Variants in ACTN2 observed in about 807,000 individuals in gnomAD.
ACTN2 encodes the protein actinin alpha 2.
A neutral mutation model predicts 113.8 loss-of-function variants in ACTN2; 39 were observed. The observed-to-expected ratio is 0.34, with a 90% CI of 0.27 to 0.45. The LOEUF (loss-of-function observed/expected upper bound fraction) is 0.45, where lower values mean the gene tolerates loss of function less well. Ranked by LOEUF, ACTN2 falls within the 20% of genes least tolerant of loss-of-function variation. ACTN2 has a pLI of 1.00. For synonymous variants in ACTN2, 429 were observed against 444.1 expected, an observed-to-expected ratio of 0.97 and a Z score of 0.43; for missense variants, 992 against 1,177.9, an observed-to-expected ratio of 0.84 and a Z score of 2.31.
chr1:236,731,858 A>G (rs892393073), intron 7 of ACTN2, among the ~76,000 whole-genome samples: 4 of 152,212 alleles, frequency 2.6e-5, no homozygotes, highest in Non-Finnish European at 4.4e-5. Flanking sequence ...GAACTTCCAT[A>G]TATTTTGCAC....
At chr1:236,715,433 A>G (rs1036760583) in intron 1 of ACTN2, among the ~76,000 whole-genome samples, 6 of 151,930 alleles carry the variant, frequency 3.9e-5, no homozygotes, top group Non-Finnish European at 4.4e-5. Context: ...CTTACCTTCA[A>G]AAAACAAAAC....
chr1:236,755,201 A>G lies in ACTN2; in HGVS notation c.2154+3A>G, dbSNP rs1659519094. ...AGCACACGAACTACACGATGGAGGT[A>G]CGGCAGCCAGACAGGCGTGTGCCGC... On this transcript the variant is annotated splice_donor_region_variant and intron_variant, in intron 17 of 20. Transcript: ENST00000366578. The G allele has an allele frequency of 6.2e-7, 1 of 1,614,020 alleles. No homozygotes were observed. The highest frequency in any genetic ancestry group is 8.5e-7 in the Non-Finnish European group (1 of 1,180,050).
intron 1 of ACTN2, among the ~76,000 whole-genome samples, chr1:236,713,145 G>A (rs924795447): frequency 6.6e-6 from 1 of 151,566 alleles, no homozygotes; most frequent in South Asian, 2.1e-4. Flanking sequence ...ATACACTACA[G>A]TGGAATACTA....
intron 1 of ACTN2, among the ~76,000 whole-genome samples, chr1:236,693,049 A>G (rs911327118): frequency 6.6e-6 from 1 of 152,070 alleles, no homozygotes; most frequent in Non-Finnish European, 1.5e-5. Context: ...CAGAAAGCAG[A>G]GATTGGGGGA....
At position 236,720,086 on chromosome 1, in the gene ACTN2, GTTGTTTTC is replaced by G. The variant is rs1558232978; in HGVS notation, c.362-16_362-9del. ...GACTATGTTATCTTTACATTAATTTGTTGTTTTCTTACCTGCAGAAATTGTTGATGGCA... is the reference window on the plus strand; with the variant it reads ...GACTATGTTATCTTTACATTAATTTGTTACCTGCAGAAATTGTTGATGGCA... On this transcript the variant is annotated splice_polypyrimidine_tract_variant and intron_variant, in intron 3 of 20. Transcript: ENST00000366578. The G allele has an allele frequency of 6.5e-7, 1 of 1,531,210 alleles. No homozygotes were observed. The highest frequency in any genetic ancestry group is 2.2e-5 in the East Asian group (1 of 44,460). The allele number at this position is 1,531,210 out of a possible 1,614,324, so 94.9% of individuals were successfully genotyped here.
At position 236,708,858 on chromosome 1, in the gene ACTN2, C is replaced by T. The variant is rs149018133; in HGVS notation, c.127-9000C>T. ...AAGGGTAAAACGGAAATTGCATTTA[C>T]TTTGGAGAGACGGCTTTGACCTTCC... On this transcript the variant is annotated intron_variant, in intron 1 of 20. Transcript: ENST00000366578. 3.4e-3 allele frequency among the ~76,000 whole-genome samples: 521 copies of T among 152,198 alleles called. 6 individuals are homozygous for T. The highest frequency in any genetic ancestry group is 0.012 in the African/African-American group (502 of 41,524).
intron 4 of ACTN2, among the ~76,000 whole-genome samples, chr1:236,725,589 T>G (rs1260778973): frequency 6.6e-6 from 1 of 152,020 alleles, no homozygotes; most frequent in Non-Finnish European, 1.5e-5. Flanking sequence ...ATCCCACCAC[T>G]GCACTCCAGC....
intron 13 of ACTN2, among the ~76,000 whole-genome samples, chr1:236,748,805 G>A (rs1333125928): frequency 6.6e-6 from 1 of 152,186 alleles, no homozygotes; most frequent in Non-Finnish European, 1.5e-5. Context: ...ATAAAGTCCT[G>A]CTTTAGCTGA....
rs956802887 is a variant in ACTN2, at chr1:236,731,105, G to A, written c.616-128G>A. The stretch of plus-strand genomic sequence containing the variant: ...TGATTGGGAAAAGATGAAAAGGAAA[G>A]TTACACTATTATGATTGTGTGTGGG... On this transcript the variant is annotated intron_variant, in intron 6 of 20. Transcript: ENST00000366578. The A allele has an allele frequency of 3.2e-5, 22 of 684,802 alleles. No homozygotes were observed. In the African/African-American group the frequency reaches 3.6e-4, roughly 11 times the overall value. The allele number at this position is 684,802 out of a possible 1,614,324, so 42.4% of individuals were successfully genotyped here.
chr1:236,711,574 T>A (rs909144094), intron 1 of ACTN2, among the ~76,000 whole-genome samples: 1 of 152,312 alleles, frequency 6.6e-6, no homozygotes, highest in Admixed American at 6.5e-5. Context: ...GGTCTTGAAC[T>A]CCTGGCCTCA....
chr1:236,739,613 G>A (rs1352932085), intron 10 of ACTN2, 81 bp downstream of exon 10: 3 of 1,495,860 alleles, frequency 2.0e-6, no homozygotes. Context: ...GGGTCAGGAG[G>A]AGGCATTGAC....
chr1:236,697,138 G>T (rs1657531483), intron 1 of ACTN2, among the ~76,000 whole-genome samples: 1 of 152,148 alleles, frequency 6.6e-6, no homozygotes, highest in Admixed American at 6.6e-5. Context: ...GCCAGGTACA[G>T]CAACCTGGTG....
intron 9 of ACTN2, among the ~76,000 whole-genome samples, chr1:236,737,591 A>T (rs1414310367): frequency 6.7e-6 from 1 of 149,846 alleles, no homozygotes; most frequent in Non-Finnish European, 1.5e-5. Context: ...ATCACATAGG[A>T]TGCACTCCAT....
chr1:236,750,443 T>G (rs1228807316), intron 14 of ACTN2, among the ~76,000 whole-genome samples: 1 of 152,168 alleles, frequency 6.6e-6, no homozygotes, highest in Non-Finnish European at 1.5e-5. Context: ...CTAAAATCGT[T>G]TATTTTTGGA....
At chr1:236,736,187 A>T (rs1217057050) in intron 8 of ACTN2, among the ~76,000 whole-genome samples, 2 of 152,204 alleles carry the variant, frequency 1.3e-5, no homozygotes, top group African/African-American at 4.8e-5. Context: ...CAGAGTTGGA[A>T]CCTCAAAAAA....
Position 236,739,321 on chromosome 1 carries a change from G to T in ACTN2, c.896G>T (p.Arg299Leu), listed in dbSNP as rs746677039. The change falls in exon 10 of 21, where the codon CGC (arginine) becomes CTC (leucine). Residue 299 changes from arginine to leucine, a missense_variant. Transcript: ENST00000366578. Reference protein sequence around the residue: ...LASELLEWIRRTIPWLENRTP... With the variant: ...LASELLEWIRLTIPWLENRTP... ...GAGCAGCTTTTGGAATGGATTCGTC[G>T]CACGATCCCCTGGCTGGAGAACCGG... 6.2e-7 allele frequency: 1 copy of T among 1,613,864 alleles called. No individual in the cohort carries two copies. The highest frequency in any genetic ancestry group is 8.5e-7 in the Non-Finnish European group (1 of 1,179,990).
At chr1:236,721,495 A>T (rs1658394850) in intron 4 of ACTN2, among the ~76,000 whole-genome samples, 1 of 152,138 alleles carries the variant, frequency 6.6e-6, no homozygotes, top group African/African-American at 2.4e-5. Context: ...GTCAAACTAA[A>T]ATCTAATGGC....
At chr1:236,750,939 A>G (rs1659374411) in intron 14 of ACTN2, among the ~76,000 whole-genome samples, 1 of 152,046 alleles carries the variant, frequency 6.6e-6, no homozygotes, top group Non-Finnish European at 1.5e-5. Flanking sequence ...AGATAAAAAA[A>G]TTAGCCAGGC....
chr1:236,718,839 C>G, intron 2 of ACTN2, 55 bp from the exon 3 acceptor site: 1 of 1,613,350 alleles, frequency 6.2e-7, no homozygotes, highest in Non-Finnish European at 8.5e-7. Flanking sequence ...CATCTTGATT[C>G]CGCATCAAGA....
Sources: gnomAD v4.1 joint callset for allele counts (sites outside exome capture counted in the v4.1 genomes callset) on GRCh38, gnomAD v4.1.1 for gene constraint, MANE v1.5 for transcripts, NCBI Gene and HGNC (gene_info 2026-07-23, HGNC 2026-07-21) for gene names.